The following NTN1 variants were observed in gnomAD, a reference collection of about 807,000 sequenced individuals.
The protein encoded by NTN1 is netrin-1.
NTN1 carries 11 observed loss-of-function variants against 54.2 expected under a neutral mutation model. That is an observed-to-expected ratio of 0.20 (90% confidence interval 0.13 to 0.34). The LOEUF is 0.34. Ranked by LOEUF, NTN1 falls within the 10% of genes least tolerant of loss-of-function variation. The probability of loss-of-function intolerance (pLI) is 1.00; values close to 1 mark genes in which losing one functional copy is unlikely to be tolerated. For synonymous variants in NTN1, 371 were observed against 382.0 expected, an observed-to-expected ratio of 0.97 and a Z score of 0.33; for missense variants, 740 against 893.1, an observed-to-expected ratio of 0.83 and a Z score of 2.18.
At chr17:9,008,870 A>G in the NTN1 span, among the ~76,000 whole-genome samples, 1 of 152,108 alleles carries the variant, frequency 6.6e-6, no homozygotes, top group East Asian at 1.9e-4. Context: ...TCCAAACCCC[A>G]GCTCTACTAA....
At chr17:9,123,907 G>T (rs748817608) in intron 2 of NTN1, among the ~76,000 whole-genome samples, 3 of 152,186 alleles carry the variant, frequency 2.0e-5, no homozygotes, top group Admixed American at 6.5e-5. Context: ...TGTTGTACCA[G>T]ATCTTTGAAA....
At chr17:9,226,162 C>CGGGGGGGG (rs71135953) in intron 6 of NTN1, among the ~76,000 whole-genome samples, 4 of 116,520 alleles carry the variant, frequency 3.4e-5, no homozygotes, top group South Asian at 3.4e-4. Flanking sequence ...GATTTGGGGT[C>CGGGGGGGG]GGGGGGGGGC....
chr17:9,049,616 G>A (rs1319466721), intron 2 of NTN1, among the ~76,000 whole-genome samples: 1 of 152,130 alleles, frequency 6.6e-6, no homozygotes, highest in Non-Finnish European at 1.5e-5. Context: ...GAAAATAACT[G>A]GCCATTACTC....
rs185063565 is a variant in NTN1 at position 9,145,520 on chromosome 17, C to T, written c.1019-17293C>T. ...GGGCCAGGCTTCTGAGCAGAGTGGGCCAGGCGTCCAGTCCCTGTCACTCCT... is the reference window on the plus strand; with the variant it reads ...GGGCCAGGCTTCTGAGCAGAGTGGGTCAGGCGTCCAGTCCCTGTCACTCCT... On this transcript the variant is annotated intron_variant, in intron 2 of 6. Coordinates refer to ENST00000173229, the MANE Select transcript of NTN1 (RefSeq NM_004822.3). Among the ~76,000 whole-genome samples, 32 of 152,282 alleles carry T rather than the reference C, an allele frequency of 2.1e-4. No individual in the cohort carries two copies. In the East Asian group the frequency reaches 5.8e-3, roughly 28 times the overall value.
At chr17:9,027,200 G>T (rs1485767296) in intron 2 of NTN1, among the ~76,000 whole-genome samples, 1 of 152,126 alleles carries the variant, frequency 6.6e-6, no homozygotes, top group Non-Finnish European at 1.5e-5. Context: ...CCAGAGCCTG[G>T]CACATAGCTA....
chr17:9,088,771 T>C (rs1391359617), intron 2 of NTN1, among the ~76,000 whole-genome samples: 2 of 152,162 alleles, frequency 1.3e-5, no homozygotes, highest in South Asian at 2.1e-4. Flanking sequence ...GCTGGAAGCA[T>C]GCATGGAGGA....
rs1374330515 is a variant in NTN1 at position 9,029,975 on chromosome 17, A to G, written c.1018+6584A>G. Among the ~76,000 whole-genome samples, 10 of 147,402 alleles carry G rather than the reference A, an allele frequency of 6.8e-5. No individual in the cohort carries two copies. The East Asian group carries it at 2.0e-3, about 30-fold the overall frequency. The stretch of plus-strand genomic sequence containing the variant: ...CCACTGCACTCTAGCCTGGCAACAG[A>G]GCGAAACTCCGTCTCAAAAAAAAAA... On this transcript the variant is annotated intron_variant, in intron 2 of 6. Transcript: ENST00000173229.
At chr17:9,018,390 G>C (rs1264760974), upstream of NTN1, among the ~76,000 whole-genome samples, 1 of 152,052 alleles carries the variant, frequency 6.6e-6, no homozygotes, top group Non-Finnish European at 1.5e-5. Flanking sequence ...CCAGCACTTT[G>C]GGAGGCCGAG....
At chr17:9,037,318 A>G (rs922929713) in intron 2 of NTN1, among the ~76,000 whole-genome samples, 2 of 152,166 alleles carry the variant, frequency 1.3e-5, no homozygotes, top group Admixed American at 6.5e-5. Context: ...GATGATCTCA[A>G]CTTCTTGGGG....
intron 5 of NTN1, among the ~76,000 whole-genome samples, chr17:9,217,854 C>CAAAAAAAAAAAAAAAAAAAAAA (rs11354107): frequency 1.0e-5 from 1 of 95,752 alleles, no homozygotes; most frequent in Non-Finnish European, 2.0e-5. Context: ...GGAAAGACAC[C>CAAAAAAAAAAAAAAAAAAAAAA]AAAAAAAAAA....
At chr17:9,112,994 A>G (rs1389244006) in intron 2 of NTN1, among the ~76,000 whole-genome samples, 1 of 151,706 alleles carries the variant, frequency 6.6e-6, no homozygotes, top group African/African-American at 2.4e-5. Flanking sequence ...GTGCTGGTGA[A>G]TCAATGATAC....
rs2091916614 is a variant in NTN1 at position 9,040,128 on chromosome 17, C to T, written c.1018+16737C>T. ...CTGCAGTGTATGAGAGTTCTAGTTT[C>T]TCCAGTCCATTTCCTCATCAGCATT... On this transcript the variant is annotated intron_variant, in intron 2 of 6. Coordinates refer to ENST00000173229, the MANE Select transcript of NTN1 (RefSeq NM_004822.3). Among the ~76,000 whole-genome samples the T allele has an allele frequency of 2.0e-5, 3 of 152,216 alleles. No homozygotes were observed. In the South Asian group the frequency reaches 6.2e-4, roughly 31 times the overall value.
chr17:9,142,443 G>A (rs1417401259), intron 2 of NTN1, among the ~76,000 whole-genome samples: 2 of 152,068 alleles, frequency 1.3e-5, no homozygotes, highest in Non-Finnish European at 2.9e-5. Flanking sequence ...TTCACCAGGA[G>A]GCTCAGGCTT....
chr17:9,114,693 G>T lies in NTN1; in HGVS notation c.1019-48120G>T, dbSNP rs1270863165. 3.3e-5 allele frequency among the ~76,000 whole-genome samples: 5 copies of T among 152,306 alleles called. No homozygotes were observed. The South Asian group carries it at 1.0e-3, about 32-fold the overall frequency. ...CGCTTGAACCCGGGAAGAGGAGGTT[G>T]CAGCGAGCCGAGATTGTGCCGCTGC... is the stretch of plus-strand genomic sequence containing the variant. On this transcript the variant is annotated intron_variant, in intron 2 of 6. Coordinates refer to ENST00000173229, the MANE Select transcript of NTN1 (RefSeq NM_004822.3).
At chr17:9,015,843 G>A in the NTN1 span, among the ~76,000 whole-genome samples, 14 of 152,086 alleles carry the variant, frequency 9.2e-5, no homozygotes, top group Non-Finnish European at 1.9e-4. Flanking sequence ...GGCCAAGGCG[G>A]GCGAATCACC....
At chr17:9,100,180 AT>A (rs2092145166) in intron 2 of NTN1, among the ~76,000 whole-genome samples, 1 of 150,948 alleles carries the variant, frequency 6.6e-6, no homozygotes, top group African/African-American at 2.4e-5. Context: ...CTATGTGTAT[AT>A]GTGTGTATAT....
At chr17:9,115,557 C>T (rs2092208577) in intron 2 of NTN1, among the ~76,000 whole-genome samples, 1 of 152,224 alleles carries the variant, frequency 6.6e-6, no homozygotes, top group Admixed American at 6.5e-5. Context: ...TGCTCTAAAC[C>T]CTCCCACTGT....
intron 2 of NTN1, among the ~76,000 whole-genome samples, chr17:9,121,125 G>C (rs1033396408): frequency 3.9e-5 from 6 of 152,154 alleles, no homozygotes; most frequent in Non-Finnish European, 5.9e-5. Context: ...CTGTCGGGGG[G>C]AGAGCTGGAT....
chr17:9,188,176 C>T (rs1904337021), intron 5 of NTN1, among the ~76,000 whole-genome samples: 1 of 152,106 alleles, frequency 6.6e-6, no homozygotes, highest in South Asian at 2.1e-4. Context: ...CGCCTGTAAT[C>T]CCGGCACTAT....
Sources: gnomAD v4.1 joint callset for allele counts (sites outside exome capture counted in the v4.1 genomes callset) on GRCh38, gnomAD v4.1.1 for gene constraint, MANE v1.5 for transcripts, NCBI Gene and HGNC (gene_info 2026-07-23, HGNC 2026-07-21) for gene names.